LRCH3: variants seen among roughly 807,000 people sequenced by gnomAD.
LRCH3 encodes the protein leucine rich repeats and calponin homology domain containing 3, also known as DISP complex protein LRCH3.
In LRCH3, 68 loss-of-function variants were observed where a neutral mutation model predicts 104.5. That is an observed-to-expected ratio of 0.65 (90% CI 0.54 to 0.80). The LOEUF (loss-of-function observed/expected upper bound fraction) is 0.80. Among genes scored for constraint, LRCH3 ranks in the 30% least tolerant of loss-of-function variants. The pLI, the probability that LRCH3 is intolerant of heterozygous loss-of-function variation, is 0.00. For synonymous variants in LRCH3, 344 were observed against 361.3 expected, an observed-to-expected ratio of 0.95 and a Z score of 0.54; for missense variants, 951 against 953.9, an observed-to-expected ratio of 1.00 and a Z score of 0.04.
At chr3:197,794,657 G>A (rs1198792648) in intron 1 of LRCH3, among the ~76,000 whole-genome samples, 1 of 152,176 alleles carries the variant, frequency 6.6e-6, no homozygotes, top group Admixed American at 6.5e-5. Flanking sequence ...AATTAGACAT[G>A]ATTTTGAACT....
chr3:197,791,317 C>G lies in LRCH3; in HGVS notation c.39C>G (p.Ala13=), dbSNP rs753964576. ...GCTTGGTCGCTGTGGCAGCGGCTGC[C>G]GAGTACTCTGGCACGGTAGCGTCGG... is the stretch of plus-strand genomic sequence containing the variant. ...AAGLVAVAAA[A]EYSGTVASGG... Residue 13 remains alanine (A), a synonymous_variant, in exon 1 of 21, where the codon GCC becomes GCG. Transcript: ENST00000425562. The G allele has an allele frequency of 3.7e-6, 6 of 1,609,486 alleles. No individual in the cohort carries two copies. The Admixed American group carries it at 6.7e-5, about 18-fold the overall frequency.
intron 15 of LRCH3, among the ~76,000 whole-genome samples, chr3:197,860,972 T>C (rs1183362047): frequency 9.6e-6 from 1 of 104,154 alleles, no homozygotes; most frequent in Non-Finnish European, 2.0e-5. Flanking sequence ...TGACCCCAAC[T>C]TTTTTTTTTT....
intron 12 of LRCH3, chr3:197,848,635 T>C (rs1312118226): frequency 1.3e-5 from 2 of 152,720 alleles, no homozygotes; most frequent in Admixed American, 6.5e-5. Context: ...CTGTCTCTCA[T>C]TTATCTGTAA....
intron 8 of LRCH3, 60 bp from the exon 9 acceptor site, chr3:197,835,614 T>C: frequency 7.2e-7 from 1 of 1,394,412 alleles, no homozygotes; most frequent in Non-Finnish European, 9.5e-7. Flanking sequence ...ATTGGCTATC[T>C]AATTTGAATG....
chr3:197,874,923 GTTC>G (rs2109543464), intron 19 of LRCH3, among the ~76,000 whole-genome samples: 1 of 147,964 alleles, frequency 6.8e-6, no homozygotes, highest in African/African-American at 2.6e-5. Context: ...GGTTGCAACA[GTTC>G]TTTTTTTTTT....
At chr3:197,838,144 G>A (rs1192487869) in intron 9 of LRCH3, among the ~76,000 whole-genome samples, 3 of 152,022 alleles carry the variant, frequency 2.0e-5, no homozygotes, top group African/African-American at 4.8e-5. Context: ...GTGTAGCTTG[G>A]CCTGGTGGCT....
At chr3:197,874,647 T>G (rs1712649548) in intron 19 of LRCH3, among the ~76,000 whole-genome samples, 1 of 152,162 alleles carries the variant, frequency 6.6e-6, no homozygotes, top group African/African-American at 2.4e-5. Flanking sequence ...GTGAAACCAG[T>G]CCCTGGTGCC....
At chr3:197,839,474 T>C in intron 10 of LRCH3, 77 bp downstream of exon 10, 2 of 828,674 alleles carry the variant, frequency 2.4e-6, no homozygotes, top group Non-Finnish European at 3.8e-6. Flanking sequence ...TTTATGCAGA[T>C]CTGTGTGTAA....
intron 1 of LRCH3, among the ~76,000 whole-genome samples, chr3:197,807,922 T>C (rs1401161957): frequency 6.6e-6 from 1 of 152,226 alleles, no homozygotes; most frequent in Non-Finnish European, 1.5e-5. Context: ...TCTCTATAAA[T>C]ATTTAGAATC....
chr3:197,813,989 A>G (rs888512923), intron 1 of LRCH3, among the ~76,000 whole-genome samples: 7 of 152,166 alleles, frequency 4.6e-5, no homozygotes, highest in African/African-American at 1.4e-4. Flanking sequence ...CCATCCATCT[A>G]TTGTTTACTC....
intron 1 of LRCH3, among the ~76,000 whole-genome samples, chr3:197,797,678 C>T (rs1372063710): frequency 3.3e-5 from 5 of 151,558 alleles, no homozygotes; most frequent in Non-Finnish European, 7.4e-5. Context: ...CTGCCCAACA[C>T]GGTGAAACCC....
intron 20 of LRCH3, among the ~76,000 whole-genome samples, chr3:197,878,864 G>C (rs1282665075): frequency 1.3e-5 from 2 of 152,158 alleles, no homozygotes; most frequent in Admixed American, 1.3e-4. Context: ...TGTGTGACTT[G>C]AACATTGGGA....
In LRCH3 at chr3:197,854,258, A is replaced by G. The variant is rs562790249; in HGVS notation, c.1591-134A>G. The stretch of plus-strand genomic sequence containing the variant: ...ATGCATGAATTCCAGATGATTGTGA[A>G]TGTGGTCCTCTATGTCAACGTCTTC... On this transcript the variant is annotated intron_variant, in intron 13 of 20. Coordinates refer to ENST00000425562, the MANE Select transcript of LRCH3 (RefSeq NM_001365715.1). This position sits in a 1 kb window ranked among gnomAD's most constrained non-coding sequence, Gnocchi z 4.5. 3 of 761,718 alleles carry G rather than the reference A, an allele frequency of 3.9e-6. No homozygotes were observed. The highest frequency in any genetic ancestry group is 2.5e-5 in the East Asian group (1 of 39,778). The allele number at this position is 761,718 out of a possible 1,614,324, so 47.2% of individuals were successfully genotyped here. A position where few individuals can be genotyped will look rare whatever the true frequency, so the allele number is the denominator to read the frequency against.
At chr3:197,858,985 C>G (rs1580838678) in intron 15 of LRCH3, 80 bp downstream of exon 15, 1 of 985,682 alleles carries the variant, frequency 1.0e-6, no homozygotes. Context: ...GTGAATTGAT[C>G]TAACAATCTG....
At chr3:197,882,234 G>A (rs1713836700) in intron 20 of LRCH3, 1 of 985,290 alleles carries the variant, frequency 1.0e-6, no homozygotes, top group Admixed American at 6.2e-5. Flanking sequence ...GAGAGGAAGA[G>A]ACCAGGGAAT....
At chr3:197,834,709 G>A (rs1736446761) in intron 8 of LRCH3, among the ~76,000 whole-genome samples, 1 of 152,182 alleles carries the variant, frequency 6.6e-6, no homozygotes, top group African/African-American at 2.4e-5. Flanking sequence ...AAACTACTGT[G>A]TTTAAAACAG....
At chr3:197,808,731 G>A (rs1264852223) in intron 1 of LRCH3, among the ~76,000 whole-genome samples, 2 of 151,686 alleles carry the variant, frequency 1.3e-5, no homozygotes, top group African/African-American at 4.8e-5. Context: ...TGGGCAATGT[G>A]GCGAAACCCC....
At chr3:197,795,169 AAG>A (rs1731047504) in intron 1 of LRCH3, among the ~76,000 whole-genome samples, 2 of 152,112 alleles carry the variant, frequency 1.3e-5, no homozygotes, top group South Asian at 4.2e-4. Context: ...ACAAGAAGGA[AAG>A]CTATTTTAGG....
rs1713980400 is a variant in LRCH3 at position 197,883,737 on chromosome 3, T to C, written c.*71T>C. 29 of 1,463,102 alleles carry C rather than the reference T, an allele frequency of 2.0e-5. No individual in the cohort carries two copies. In the South Asian group the frequency reaches 3.8e-4, roughly 19 times the overall value. 90.6% of individuals were successfully genotyped at this position (1,463,102 alleles called of 1,614,324 possible). A position where few individuals can be genotyped will look rare whatever the true frequency, so the allele number is the denominator to read the frequency against. On this transcript the variant is annotated 3_prime_UTR_variant, in exon 21 of 21. Transcript: ENST00000425562. This position sits in a 1 kb window ranked among gnomAD's most constrained non-coding sequence, Gnocchi z 4.2. Reference sequence around the variant, plus strand: ...GGACACCGTGATTGCTGCTGCCAGCTGTCTGCTTAAACAAAGCTCTTGTGT... The same window carrying C: ...GGACACCGTGATTGCTGCTGCCAGCCGTCTGCTTAAACAAAGCTCTTGTGT...
Sources: gnomAD v4.1 joint callset for allele counts (sites outside exome capture counted in the v4.1 genomes callset) on GRCh38, gnomAD v4.1.1 for gene constraint, Gnocchi (gnomAD v3.1) non-coding constraint, MANE v1.5 for transcripts, NCBI Gene and HGNC (gene_info 2026-07-23, HGNC 2026-07-21) for gene names.